The following CLIC4 variants were observed in gnomAD, a reference collection of about 807,000 sequenced individuals.
CLIC4 encodes CLIC family member 4, also known as chloride intracellular channel protein 4.
In CLIC4, 13 loss-of-function variants were observed where a neutral mutation model predicts 24.6. That is an observed-to-expected ratio of 0.53 (90% CI 0.34 to 0.84). CLIC4 has a LOEUF of 0.84. Ranked by LOEUF, CLIC4 falls within the 40% of genes least tolerant of loss-of-function variation. The probability of loss-of-function intolerance (pLI) is 0.01; values close to 1 mark genes in which losing one functional copy is unlikely to be tolerated. For missense variants in CLIC4, 227 were observed against 301.7 expected, an observed-to-expected ratio of 0.75 and a Z score of 1.83; for synonymous variants, 104 against 111.3, an observed-to-expected ratio of 0.93 and a Z score of 0.41.
intron 1 of CLIC4, among the ~76,000 whole-genome samples, chr1:24,757,288 C>G (rs528544189): frequency 1.3e-5 from 2 of 152,138 alleles, no homozygotes; most frequent in Non-Finnish European, 2.9e-5. Flanking sequence ...GCCTTGACCT[C>G]GCAAAGTGTT....
intron 1 of CLIC4, among the ~76,000 whole-genome samples, chr1:24,757,323 A>G (rs978145572): frequency 1.1e-4 from 17 of 152,170 alleles, no homozygotes; most frequent in African/African-American, 3.4e-4. Flanking sequence ...GAGCCACTGC[A>G]CGTGGTCTTA....
chr1:24,831,707 C>T lies in CLIC4; in HGVS notation c.415+4591C>T, dbSNP rs369290887. ...AGGCTGGAGTGCAGTGGCACGATCT[C>T]GGCTCACTGCAACCTCCACCTCCCG... On this transcript the variant is annotated intron_variant, in intron 4 of 5. Coordinates refer to ENST00000374379, the MANE Select transcript of CLIC4 (RefSeq NM_013943.3). Among the ~76,000 whole-genome samples the T allele has an allele frequency of 5.3e-5, 8 of 152,274 alleles. No homozygotes were observed. The South Asian group carries it at 1.0e-3, about 20-fold the overall frequency.
intron 1 of CLIC4, among the ~76,000 whole-genome samples, chr1:24,772,519 T>C (rs965990222): frequency 3.3e-5 from 5 of 152,202 alleles, no homozygotes; most frequent in African/African-American, 1.2e-4. Flanking sequence ...GGAGTCTTGC[T>C]CTCTCGCCCA....
At chr1:24,770,460 G>T (rs979383731) in intron 1 of CLIC4, among the ~76,000 whole-genome samples, 5 of 152,148 alleles carry the variant, frequency 3.3e-5, no homozygotes, top group African/African-American at 1.2e-4. Flanking sequence ...AAGCTAATGA[G>T]ATCAGCCAGT....
intron 1 of CLIC4, among the ~76,000 whole-genome samples, chr1:24,796,723 A>AT (rs1430659637): frequency 1.3e-5 from 2 of 151,962 alleles, no homozygotes; most frequent in African/African-American, 4.8e-5. Flanking sequence ...CTAACAGCAC[A>AT]TTTTTTTCAG....
chr1:24,766,908 C>T (rs539524846), intron 1 of CLIC4, among the ~76,000 whole-genome samples: 2 of 150,102 alleles, frequency 1.3e-5, no homozygotes, highest in African/African-American at 4.9e-5. Flanking sequence ...AAGACTGGAT[C>T]TTTAGTATTA....
Position 24,809,604 on chromosome 1 carries a change from G to A in CLIC4, c.183-4490G>A, listed in dbSNP as rs182985420. On this transcript the variant is annotated intron_variant, in intron 2 of 5. Transcript: ENST00000374379. ...GCCTCCCGAGTAGCTGGGACTATAG[G>A]CATGCACTACTACACCCAGCTAATT... Among the ~76,000 whole-genome samples the A allele has an allele frequency of 2.6e-5, 4 of 152,228 alleles. No individual in the cohort carries two copies. The East Asian group carries it at 7.7e-4, about 29-fold the overall frequency.
chr1:24,826,199 A>G (rs1639785537), intron 3 of CLIC4, among the ~76,000 whole-genome samples: 1 of 152,210 alleles, frequency 6.6e-6, no homozygotes, highest in South Asian at 2.1e-4. Flanking sequence ...ATTTGACAAC[A>G]CAATAGAACA....
chr1:24,818,498 G>A (rs1639694028), intron 3 of CLIC4, among the ~76,000 whole-genome samples: 1 of 152,054 alleles, frequency 6.6e-6, no homozygotes. Context: ...TGTTGGCCAG[G>A]CTTGTCTCGA....
At chr1:24,755,190 A>G (rs1638830546) in intron 1 of CLIC4, among the ~76,000 whole-genome samples, 1 of 150,394 alleles carries the variant, frequency 6.6e-6, no homozygotes, top group Non-Finnish European at 1.5e-5. Flanking sequence ...CTTGTCTTGA[A>G]CTCCTGACCT....
chr1:24,764,685 A>G (rs1425123261), intron 1 of CLIC4, among the ~76,000 whole-genome samples: 2 of 151,986 alleles, frequency 1.3e-5, no homozygotes, highest in Non-Finnish European at 2.9e-5. Flanking sequence ...ATACTCTGGT[A>G]TCTTCTGGCA....
At chr1:24,759,015 C>T (rs938593348) in intron 1 of CLIC4, among the ~76,000 whole-genome samples, 2 of 152,022 alleles carry the variant, frequency 1.3e-5, no homozygotes. Context: ...TTCTTTAGAA[C>T]ATTTGATCTT....
At chr1:24,810,335 T>C (rs1397317606) in intron 2 of CLIC4, among the ~76,000 whole-genome samples, 3 of 152,228 alleles carry the variant, frequency 2.0e-5, no homozygotes, top group Non-Finnish European at 2.9e-5. Context: ...GTCCCCCACC[T>C]GTGTCTGGTA....
At chr1:24,775,224 C>CTTTTTTTTTTTTTTTTTTTTCTTTTTTTT in intron 1 of CLIC4, among the ~76,000 whole-genome samples, 2 of 90,662 alleles carry the variant, frequency 2.2e-5, no homozygotes, top group Non-Finnish European at 4.2e-5. Flanking sequence ...TTCTTTCTTT[C>CTTTTTTTTTTTTTTTTTTTTCTTTTTTTT]TTTTTTTTTT....
intron 2 of CLIC4, among the ~76,000 whole-genome samples, chr1:24,798,655 C>A (rs1639433950): frequency 6.6e-6 from 1 of 151,290 alleles, no homozygotes; most frequent in Non-Finnish European, 1.5e-5. Flanking sequence ...CCACGGTGTC[C>A]CTCTCTTTCC....
chr1:24,806,517 AATAT>A (rs1553193084), intron 2 of CLIC4, among the ~76,000 whole-genome samples: 1 of 152,186 alleles, frequency 6.6e-6, no homozygotes, highest in Non-Finnish European at 1.5e-5. Flanking sequence ...TATTTAAAAA[AATAT>A]ATATATAGCC....
chr1:24,803,265 T>G (rs950412439), intron 2 of CLIC4, among the ~76,000 whole-genome samples: 2 of 152,198 alleles, frequency 1.3e-5, no homozygotes, highest in Non-Finnish European at 1.5e-5. Flanking sequence ...TTTTCCTGCT[T>G]TTCCTGGTAA....
intron 4 of CLIC4, among the ~76,000 whole-genome samples, chr1:24,835,684 A>G (rs1639879704): frequency 1.3e-5 from 2 of 152,248 alleles, no homozygotes. Context: ...GGAAGTGGCA[A>G]CAGTTATAAT....
At chr1:24,777,759 T>C (rs1465319605) in intron 1 of CLIC4, 2 of 152,210 alleles carry the variant, frequency 1.3e-5, no homozygotes, top group African/African-American at 4.8e-5. Flanking sequence ...ATTTTAAAGA[T>C]GTAGTACAAA....
Sources: allele counts gnomAD v4.1 joint callset (sites outside exome capture counted in the v4.1 genomes callset), GRCh38; gene constraint gnomAD v4.1.1; transcripts MANE v1.5; gene names NCBI Gene and HGNC (gene_info 2026-07-23, HGNC 2026-07-21).